The following CDK5RAP2 variants were observed in gnomAD, a reference collection of about 807,000 sequenced individuals.
CDK5RAP2 encodes the protein CDK5 regulatory subunit associated protein 2.
CDK5RAP2 carries 147 observed loss-of-function variants against 232.9 expected under a neutral mutation model. The ratio of observed to expected loss-of-function variants is 0.63; its 90% CI spans 0.55 to 0.72. CDK5RAP2 has a LOEUF of 0.72. Ranked by LOEUF, CDK5RAP2 falls within the 30% of genes least tolerant of loss-of-function variation. CDK5RAP2 has a pLI of 0.00. For missense variants in CDK5RAP2, 2,195 were observed against 2,231.5 expected (o/e 0.98, Z 0.33); for synonymous variants, 833 against 833.7 (o/e 1.00, Z 0.01).
chr9:120,453,145 G>C (rs151059870), intron 21 of CDK5RAP2, among the ~76,000 whole-genome samples: 82 of 152,322 alleles, frequency 5.4e-4, no homozygotes, highest in African/African-American at 1.9e-3. Flanking sequence ...GCTACAGACA[G>C]ATAGACAGAT....
chr9:120,568,168 A>G (rs1677782079), intron 3 of CDK5RAP2, among the ~76,000 whole-genome samples, 153 bp downstream of exon 3: 1 of 152,192 alleles, frequency 6.6e-6, no homozygotes, highest in Admixed American at 6.5e-5. Context: ...TTTGTACGTA[A>G]AAGTCTCACA....
intron 28 of CDK5RAP2, 27 bp downstream of exon 28, chr9:120,415,011 TAC>T (rs1489767798): frequency 6.2e-7 from 1 of 1,613,442 alleles, no homozygotes; most frequent in South Asian, 1.1e-5. Context: ...CACAGACATG[TAC>T]AGTCCTCCAG....
chr9:120,445,773 T>C (rs370714460), intron 22 of CDK5RAP2, among the ~76,000 whole-genome samples: 27 of 152,344 alleles, frequency 1.8e-4, no homozygotes, highest in African/African-American at 5.3e-4. Context: ...CTCCAAGTCA[T>C]ATAGCTTCAA....
At chr9:120,501,323 C>T (rs2039566181) in intron 12 of CDK5RAP2, among the ~76,000 whole-genome samples, 1 of 152,230 alleles carries the variant, frequency 6.6e-6, no homozygotes, top group Non-Finnish European at 1.5e-5. Context: ...CCAGTCTTCC[C>T]TGACCATCCA....
At chr9:120,431,432 T>C (rs2035281380) in intron 25 of CDK5RAP2, among the ~76,000 whole-genome samples, 2 of 152,224 alleles carry the variant, frequency 1.3e-5, no homozygotes, top group African/African-American at 2.4e-5. Flanking sequence ...ACCTCTCCGT[T>C]CCTCACTTGT....
chr9:120,445,032 T>A (rs778115368), intron 22 of CDK5RAP2, among the ~76,000 whole-genome samples: 5 of 152,170 alleles, frequency 3.3e-5, no homozygotes, highest in Non-Finnish European at 5.9e-5. Flanking sequence ...AATCCTCTAA[T>A]CTGATGCAAC....
chr9:120,460,451 T>C, intron 19 of CDK5RAP2, 121 bp downstream of exon 19: 3 of 893,792 alleles, frequency 3.4e-6, no homozygotes, highest in Non-Finnish European at 5.5e-6. Context: ...CACTGGCACA[T>C]GAAAGGTACA....
chr9:120,416,584 T>C (rs1396813722), intron 27 of CDK5RAP2, among the ~76,000 whole-genome samples: 3 of 152,302 alleles, frequency 2.0e-5, no homozygotes, highest in South Asian at 2.1e-4. Flanking sequence ...ACATAATACT[T>C]AATAATACAC....
intron 22 of CDK5RAP2, among the ~76,000 whole-genome samples, chr9:120,445,996 A>T (rs1185913315): frequency 6.6e-6 from 1 of 152,006 alleles, no homozygotes; most frequent in African/African-American, 2.4e-5. Flanking sequence ...GTGAATGACA[A>T]CTCCATCCTT....
At chr9:120,518,084 T>C (rs1003948256) in intron 12 of CDK5RAP2, among the ~76,000 whole-genome samples, 2 of 151,778 alleles carry the variant, frequency 1.3e-5, no homozygotes, top group African/African-American at 2.4e-5. Context: ...AGAACATTCA[T>C]GACATGGCAA....
intron 36 of CDK5RAP2, among the ~76,000 whole-genome samples, chr9:120,390,716 C>A (rs536602030): frequency 6.6e-6 from 1 of 152,186 alleles, no homozygotes; most frequent in Non-Finnish European, 1.5e-5. Context: ...ATACCAAAGG[C>A]TTCTGGAGCC....
intron 12 of CDK5RAP2, among the ~76,000 whole-genome samples, chr9:120,498,774 A>G (rs1415317182): frequency 3.3e-5 from 5 of 151,960 alleles, no homozygotes; most frequent in Admixed American, 2.6e-4. Context: ...TAATACCAAC[A>G]CTTTGGAAGC....
At chr9:120,429,915 C>T (rs1482159641) in intron 25 of CDK5RAP2, among the ~76,000 whole-genome samples, 2 of 152,106 alleles carry the variant, frequency 1.3e-5, no homozygotes, top group East Asian at 1.9e-4. Flanking sequence ...AAGAGAGATA[C>T]AGATCAATGG....
chr9:120,491,274 A>C lies in CDK5RAP2; in HGVS notation c.1482+33T>G, dbSNP rs756340798. On this transcript the variant is annotated intron_variant, in intron 13 of 37. Transcript: ENST00000349780. ...TTTTTAAAAAAATCAACCCATGCCA[A>C]ATTAAAAAATTTAAATACAAAAGTT... 7.1e-6 allele frequency: 11 copies of C among 1,547,752 alleles called. No individual in the cohort carries two copies. The South Asian group carries it at 9.0e-5, about 13-fold the overall frequency.
chr9:120,473,994 C>A (rs2037864084), intron 15 of CDK5RAP2, among the ~76,000 whole-genome samples: 1 of 152,090 alleles, frequency 6.6e-6, no homozygotes, highest in South Asian at 2.1e-4. Flanking sequence ...CTTCCTGGAA[C>A]TGGGGCAGGG....
Position 120,541,839 on chromosome 9 carries a change from G to A in CDK5RAP2, c.384-2675C>T, listed in dbSNP as rs115126742. 6.7e-3 allele frequency among the ~76,000 whole-genome samples: 1,023 copies of A among 152,240 alleles called. 19 individuals carry two copies. The highest frequency in any genetic ancestry group is 0.023 in the African/African-American group (976 of 41,542). On this transcript the variant is annotated intron_variant, in intron 5 of 37. Transcript: ENST00000349780. ...TCAGTAAGTGTTAGCTCCCTCCCTC[G>A]ACCCTTTCTTTCCTTGCAGAATCTG...
At chr9:120,449,419 G>A (rs1260817678) in intron 21 of CDK5RAP2, among the ~76,000 whole-genome samples, 2 of 152,134 alleles carry the variant, frequency 1.3e-5, no homozygotes, top group Admixed American at 6.5e-5. Flanking sequence ...TCTGTTCCTT[G>A]TCTATCTTCT....
At chr9:120,440,744 C>T (rs1489943566) in intron 23 of CDK5RAP2, among the ~76,000 whole-genome samples, 4 of 152,184 alleles carry the variant, frequency 2.6e-5, no homozygotes, top group South Asian at 2.1e-4. Flanking sequence ...ACATTCTCGG[C>T]GTCTAGTACA....
At chr9:120,519,449 AC>A (rs2040519912) in intron 11 of CDK5RAP2, among the ~76,000 whole-genome samples, 1 of 152,086 alleles carries the variant, frequency 6.6e-6, no homozygotes. Flanking sequence ...TAAAACCAAA[AC>A]AAAACAACCT....
Sources: allele counts gnomAD v4.1 joint callset (sites outside exome capture counted in the v4.1 genomes callset), GRCh38; gene constraint gnomAD v4.1.1; transcripts MANE v1.5; gene names NCBI Gene and HGNC (gene_info 2026-07-23, HGNC 2026-07-21).